Variants in DSCAM observed in about 807,000 individuals in gnomAD.
The protein encoded by DSCAM is DS cell adhesion molecule.
A neutral mutation model predicts 217.7 loss-of-function variants in DSCAM; 47 were observed. The ratio of observed to expected loss-of-function variants is 0.22; its 90% CI spans 0.17 to 0.28. DSCAM has a LOEUF of 0.28. Ranked by LOEUF, DSCAM falls within the 10% of genes least tolerant of loss-of-function variation. DSCAM has a pLI of 1.00. For synonymous variants in DSCAM, 1,056 were observed against 1,015.3 expected (o/e 1.04, Z -0.76); for missense variants, 2,080 against 2,618.3 (o/e 0.79, Z 4.49).
At chr21:40,043,692 CTG>C (rs1297888477) in intron 31 of DSCAM, among the ~76,000 whole-genome samples, 11 of 152,240 alleles carry the variant, frequency 7.2e-5, no homozygotes, top group Non-Finnish European at 1.2e-4. Flanking sequence ...ACTTCAAGTG[CTG>C]TGTCTTAATC....
At chr21:40,287,034 C>T (rs1219091371) in intron 10 of DSCAM, among the ~76,000 whole-genome samples, 3 of 151,488 alleles carry the variant, frequency 2.0e-5, no homozygotes, top group Non-Finnish European at 3.0e-5. Flanking sequence ...GTGTGATCTG[C>T]AGTGTGATCA....
At chr21:40,389,975 T>C (rs1280384053) in intron 3 of DSCAM, among the ~76,000 whole-genome samples, 1 of 152,222 alleles carries the variant, frequency 6.6e-6, no homozygotes, top group Non-Finnish European at 1.5e-5. Flanking sequence ...TCAGGCATCA[T>C]TGAGAATAAG....
chr21:40,357,729 G>GA (rs1173959891), intron 4 of DSCAM, among the ~76,000 whole-genome samples: 3 of 152,008 alleles, frequency 2.0e-5, no homozygotes, highest in Admixed American at 1.3e-4. Flanking sequence ...GGGGAGGGGG[G>GA]AGAGATAGCA....
Position 40,013,295 on chromosome 21 carries a change from T to C in DSCAM, c.5778A>G (p.Gln1926=), listed in dbSNP as rs989098842. 14 of 1,613,156 alleles carry C rather than the reference T, an allele frequency of 8.7e-6. No homozygotes were observed. The highest frequency in any genetic ancestry group is 1.7e-5 in the Admixed American group (1 of 59,898). ...GGCTTTTCTGAGGTTCCAAGCATGCTTGTCCTAAGCTCAGGTCCCTGCTGG... is the reference window on the plus strand; with the variant it reads ...GGCTTTTCTGAGGTTCCAAGCATGCCTGTCCTAAGCTCAGGTCCCTGCTGG... ...PGTSRDLSLG[Q]ACLEPQKSRT... is the part of the protein sequence containing the mutation. Residue 1926 remains glutamine (Q), a synonymous_variant, in exon 33 of 33, where the codon CAA becomes CAG. Transcript: ENST00000400454.
chr21:40,585,419 C>CAAAAAAAAAAA (rs71186946), intron 3 of DSCAM, among the ~76,000 whole-genome samples: 27 of 86,968 alleles, frequency 3.1e-4, no homozygotes, highest in African/African-American at 1.0e-3. Context: ...GACTCCGTCT[C>CAAAAAAAAAAA]AAAAAAAAAA....
chr21:40,331,507 C>T (rs73355305), intron 8 of DSCAM, among the ~76,000 whole-genome samples: 4,386 of 152,212 alleles, frequency 0.029, 193 homozygotes, highest in African/African-American at 0.098. Flanking sequence ...CGGTGACAGA[C>T]GAGACACAGC....
chr21:40,641,176 T>A lies in DSCAM; in HGVS notation c.508+51634A>T, dbSNP rs114236447. Among the ~76,000 whole-genome samples, 250 of 152,288 alleles carry A rather than the reference T, an allele frequency of 1.6e-3. 1 individual carries two copies. The highest frequency in any genetic ancestry group is 5.5e-3 in the African/African-American group (228 of 41,556). On this transcript the variant is annotated intron_variant, in intron 3 of 32. Coordinates refer to ENST00000400454, the MANE Select transcript of DSCAM (RefSeq NM_001389.5). ...CCTTTAGTAAATATGCAAGGGTTTT[T>A]CTAATGAGATAAACAGAGCGCATGG... is the stretch of plus-strand genomic sequence containing the variant.
At chr21:40,329,697 G>T (rs1423998557) in intron 8 of DSCAM, among the ~76,000 whole-genome samples, 1 of 151,664 alleles carries the variant, frequency 6.6e-6, no homozygotes, top group African/African-American at 2.4e-5. Flanking sequence ...TCAGCCTTAA[G>T]ACTATTCAAC....
intron 32 of DSCAM, among the ~76,000 whole-genome samples, chr21:40,020,344 A>ACTTC (rs1034041453): frequency 2.1e-4 from 32 of 152,248 alleles, no homozygotes; most frequent in Admixed American, 5.9e-4. Context: ...ATGAAAACTA[A>ACTTC]CTTCCTTCCT....
At chr21:40,184,954 G>A (rs1305691387) in intron 14 of DSCAM, among the ~76,000 whole-genome samples, 1 of 152,162 alleles carries the variant, frequency 6.6e-6, no homozygotes, top group Admixed American at 6.5e-5. Flanking sequence ...CAACGAGGAA[G>A]GCGTTTTCAA....
At chr21:40,805,171 C>A (rs1011305486) in intron 1 of DSCAM, among the ~76,000 whole-genome samples, 1 of 152,204 alleles carries the variant, frequency 6.6e-6, no homozygotes, top group Non-Finnish European at 1.5e-5. Context: ...AATCTGATCA[C>A]ACAGATGACT....
chr21:40,518,507 A>T (rs2076329812), intron 3 of DSCAM, among the ~76,000 whole-genome samples: 1 of 13,720 alleles, frequency 7.3e-5, no homozygotes, highest in South Asian at 2.4e-3. Context: ...TATTATATAT[A>T]TAATATATAT....
intron 3 of DSCAM, among the ~76,000 whole-genome samples, chr21:40,431,972 G>A (rs1192474872): frequency 1.3e-5 from 2 of 152,254 alleles, no homozygotes; most frequent in Admixed American, 6.5e-5. Flanking sequence ...GGCCAAGGCG[G>A]GCAGGTCACC....
intron 3 of DSCAM, among the ~76,000 whole-genome samples, chr21:40,431,939 C>A (rs1242068173): frequency 6.6e-6 from 1 of 152,166 alleles, no homozygotes. Flanking sequence ...GTGGCTTATG[C>A]CTGTAGTCCC....
chr21:40,731,680 G>A (rs1048364995), intron 1 of DSCAM, among the ~76,000 whole-genome samples: 26 of 150,610 alleles, frequency 1.7e-4, no homozygotes, highest in African/African-American at 6.4e-4. Context: ...TTTAATGAAG[G>A]CCCATCTTAC....
At chr21:40,597,664 G>A (rs1038819616) in intron 3 of DSCAM, among the ~76,000 whole-genome samples, 7 of 151,520 alleles carry the variant, frequency 4.6e-5, no homozygotes, top group South Asian at 2.1e-4. Context: ...CCACCACCAC[G>A]CCCAGCTAAT....
intron 3 of DSCAM, among the ~76,000 whole-genome samples, chr21:40,431,857 T>C (rs1381786605): frequency 1.3e-5 from 2 of 152,182 alleles, no homozygotes; most frequent in East Asian, 3.9e-4. Flanking sequence ...TTGTAATGGA[T>C]TGCCACCAAC....
chr21:40,768,542 G>A (rs1446937834), intron 1 of DSCAM, among the ~76,000 whole-genome samples: 1 of 152,216 alleles, frequency 6.6e-6, no homozygotes, highest in Non-Finnish European at 1.5e-5. Flanking sequence ...AAAGATTAGA[G>A]ATGGCTAATA....
intron 1 of DSCAM, among the ~76,000 whole-genome samples, chr21:40,830,791 T>C (rs2092006463): frequency 6.6e-6 from 1 of 152,172 alleles, no homozygotes; most frequent in South Asian, 2.1e-4. Context: ...TCAATGAATA[T>C]TAGCAATTAC....
Sources: gnomAD v4.1 joint callset for allele counts (sites outside exome capture counted in the v4.1 genomes callset) on GRCh38, gnomAD v4.1.1 for gene constraint, MANE v1.5 for transcripts, NCBI Gene and HGNC (gene_info 2026-07-23, HGNC 2026-07-21) for gene names.